The following ATP2A3 variants were observed in gnomAD, a reference collection of about 807,000 sequenced individuals.
ATP2A3 encodes the protein sarcoplasmic/endoplasmic reticulum calcium ATPase 3.
Under a neutral mutation model 106.8 loss-of-function variants are expected in ATP2A3, and 61 were observed. The ratio of observed to expected loss-of-function variants is 0.57; its 90% CI spans 0.46 to 0.71. The LOEUF (loss-of-function observed/expected upper bound fraction) is 0.71. ATP2A3 is among the 30% of genes least tolerant of loss of function. The pLI, the probability that ATP2A3 is intolerant of heterozygous loss-of-function variation, is 0.00. For missense variants in ATP2A3, 1,201 were observed against 1,423.5 expected, an observed-to-expected ratio of 0.84 and a Z score of 2.52; for synonymous variants, 611 against 609.3, an observed-to-expected ratio of 1.00 and a Z score of -0.04.
rs760611739 is a variant in ATP2A3 at position 3,940,049 on chromosome 17, TG to T, written c.2100+921del. Among the ~76,000 whole-genome samples, 40 of 99,690 alleles carry T rather than the reference TG, an allele frequency of 4.0e-4. 2 individuals are homozygous for T. The highest frequency in any genetic ancestry group is 1.2e-3 in the African/African-American group (24 of 19,848). 65.4% of individuals were successfully genotyped at this position (99,690 alleles called of 152,430 possible). On this transcript the variant is annotated intron_variant, in intron 14 of 20. Transcript: ENST00000397041. ...GTCATATCTTTTTTTTTTTGTTTTT[TG>T]TTTTTTTTTTTTTTGGAGAGATGGG...
Position 3,925,176 on chromosome 17 carries a change from A to C in ATP2A3, c.*246T>G, listed in dbSNP as rs2052634780. ...TGCAGCTCCTGGGCCAGAGCTGCAG[A>C]GCAGGGAACTTCCCAGGAGAGTCCA... On this transcript the variant is annotated 3_prime_UTR_variant, in exon 21 of 21. Coordinates refer to ENST00000397041, the MANE Select transcript of ATP2A3 (RefSeq NM_005173.4). The surrounding 1 kb of genome is among the most constrained non-coding windows in gnomAD (Gnocchi z 4.2). 9.7e-6 allele frequency: 6 copies of C among 620,112 alleles called. No individual in the cohort carries two copies. In the South Asian group the frequency reaches 1.2e-4, roughly 12 times the overall value. 38.4% of individuals were successfully genotyped at this position (620,112 alleles called of 1,614,324 possible). A position where few individuals can be genotyped will look rare whatever the true frequency, so the allele number is the denominator to read the frequency against.
Position 3,930,402 on chromosome 17 carries a change from C to A in ATP2A3, c.2643G>T (p.Pro881=). 6.2e-7 allele frequency: 1 copy of A among 1,613,956 alleles called. No individual in the cohort carries two copies. The highest frequency in any genetic ancestry group is 8.5e-7 in the Non-Finnish European group (1 of 1,179,986). The stretch of plus-strand genomic sequence containing the variant: ...CCTCACAGTCGATGCCGGCAAAGAG[C>A]GGGTTGTCTTCGGAGCACTTCAGGA... ...RNFLKCSEDN[P]LFAGIDCEVF... is the part of the protein sequence containing the mutation. Residue 881 remains proline (P), a synonymous_variant, in exon 18 of 21, where the codon CCG becomes CCT. Coordinates refer to ENST00000397041, the MANE Select transcript of ATP2A3 (RefSeq NM_005173.4). This position sits in a 1 kb window ranked among gnomAD's most constrained non-coding sequence, Gnocchi z 5.4.
At position 3,953,324 on chromosome 17, in the gene ATP2A3, A is replaced by G; in HGVS notation, c.219+23T>C. The G allele has an allele frequency of 1.9e-6, 3 of 1,612,530 alleles. No individual in the cohort carries two copies. The highest frequency in any genetic ancestry group is 2.5e-6 in the Non-Finnish European group (3 of 1,178,834). The stretch of plus-strand genomic sequence containing the variant: ...CTCCAGGGCTACCGACTACCACAGG[A>G]TGGCTGGCAGGGCCCTACTTACAAA... On this transcript the variant is annotated intron_variant, in intron 3 of 20. Coordinates refer to ENST00000397041, the MANE Select transcript of ATP2A3 (RefSeq NM_005173.4). The surrounding 1 kb of genome is among the most constrained non-coding windows in gnomAD (Gnocchi z 5.1).
At position 3,928,421 on chromosome 17, in the gene ATP2A3, G is replaced by T; in HGVS notation, c.2980+242C>A. 1 of 1,265,994 alleles carries T rather than the reference G, an allele frequency of 7.9e-7. No homozygotes were observed. Among genetic ancestry groups the T allele is most frequent in the Non-Finnish European group, 1.1e-6 (1 of 889,290 alleles). The allele number at this position is 1,265,994 out of a possible 1,614,324, so 78.4% of individuals were successfully genotyped here. On this transcript the variant is annotated intron_variant, in intron 20 of 20. Coordinates refer to ENST00000397041, the MANE Select transcript of ATP2A3 (RefSeq NM_005173.4). The surrounding 1 kb of genome is among the most constrained non-coding windows in gnomAD (Gnocchi z 6.1). ...CAGGTGAAGACAGTGAGGCAGTGTG[G>T]CCCAAGAGGTGCTCCCGTTGCTGGC...
rs553830741 is a variant in ATP2A3, at chr17:3,937,333, G to A, written c.2321+83C>T. ...GCACAGGCCCCTCCATCCCTGCAGCGCATCCGAGGAACAGGCGTTTTCCCC... is the reference window on the plus strand; with the variant it reads ...GCACAGGCCCCTCCATCCCTGCAGCACATCCGAGGAACAGGCGTTTTCCCC... On this transcript the variant is annotated intron_variant, in intron 15 of 20. Transcript: ENST00000397041. The A allele has an allele frequency of 4.5e-4, 653 of 1,454,330 alleles. 8 individuals are homozygous for A. The South Asian group carries it at 7.4e-3, about 17-fold the overall frequency. 90.1% of individuals were successfully genotyped at this position (1,454,330 alleles called of 1,614,324 possible).
Position 3,925,636 on chromosome 17 carries a change from G to A in ATP2A3, c.2981-195C>T, listed in dbSNP as rs561513592. Among the ~76,000 whole-genome samples, 9 of 131,854 alleles carry A rather than the reference G, an allele frequency of 6.8e-5. No homozygotes were observed. Among genetic ancestry groups the A allele is most frequent in the Admixed American group, 2.4e-4 (3 of 12,620 alleles). The allele number at this position is 131,854 out of a possible 152,430, so 86.5% of individuals were successfully genotyped here. On this transcript the variant is annotated intron_variant, in intron 20 of 20. Coordinates refer to ENST00000397041, the MANE Select transcript of ATP2A3 (RefSeq NM_005173.4). The surrounding 1 kb of genome is among the most constrained non-coding windows in gnomAD (Gnocchi z 4.2). Reference sequence around the variant, plus strand: ...TGCATCCAGGATCCATCCCCGCAACGTCCCCCACGCCTCCTTCACTCCACT... The same window carrying A: ...TGCATCCAGGATCCATCCCCGCAACATCCCCCACGCCTCCTTCACTCCACT...
At chr17:3,951,784 G>A (rs2054462058) in intron 3 of ATP2A3, 99 bp from the exon 4 acceptor site, 1 of 1,219,964 alleles carries the variant, frequency 8.2e-7, no homozygotes, top group South Asian at 1.3e-5. Context: ...TCCCTGCTTT[G>A]GGGAGATAGC....
rs2144144287 is a variant in ATP2A3 at position 3,924,517 on chromosome 17, C to G, written c.*905G>C. On this transcript the variant is annotated 3_prime_UTR_variant, in exon 21 of 21. Transcript: ENST00000397041. This position sits in a 1 kb window ranked among gnomAD's most constrained non-coding sequence, Gnocchi z 6.4. ...GTGCAGACAGCGCGGCGGCCGCACA[C>G]TGGGCTGGGTAGAAGGGCGCCACGG... 1 of 323,174 alleles carries G rather than the reference C, an allele frequency of 3.1e-6. No homozygotes were observed. Among genetic ancestry groups the G allele is most frequent in the Non-Finnish European group, 6.2e-6 (1 of 162,184 alleles). 20.0% of individuals were successfully genotyped at this position (323,174 alleles called of 1,614,324 possible). A position where few individuals can be genotyped will look rare whatever the true frequency, so the allele number is the denominator to read the frequency against.
Position 3,941,022 on chromosome 17 carries a change from G to C in ATP2A3, c.2049C>G (p.His683Gln). Residue 683 changes from histidine to glutamine, a missense_variant, in exon 14 of 21, where the codon CAC becomes CAG. Transcript: ENST00000397041. ...GCAGGTTCTCCACGATGCGGGACTT[G>C]TGTGCGGGCTCCACGCGGGCGAAGC... ...ARCFARVEPA[H>Q]KSRIVENLQS... 6.2e-7 allele frequency: 1 copy of C among 1,613,984 alleles called. No individual in the cohort carries two copies. Among genetic ancestry groups the C allele is most frequent in the Non-Finnish European group, 8.5e-7 (1 of 1,179,852 alleles).
At chr17:3,944,334 G>A (rs1338739041) in intron 10 of ATP2A3, among the ~76,000 whole-genome samples, 1 of 152,120 alleles carries the variant, frequency 6.6e-6, no homozygotes, top group Non-Finnish European at 1.5e-5. Flanking sequence ...CCATTCCACT[G>A]CCCCGGCCAC....
rs777388838 is a variant in ATP2A3 at position 3,937,442 on chromosome 17, G to A, written c.2295C>T (p.Ile765=). The change falls in exon 15 of 21, where the codon ATC becomes ATT. Residue 765 remains isoleucine (I), a synonymous_variant. Coordinates refer to ENST00000397041, the MANE Select transcript of ATP2A3 (RefSeq NM_005173.4). ...SNMKQFIRYL[I]SSNVGEVVCI... is the part of the protein sequence containing the mutation. The stretch of plus-strand genomic sequence containing the variant: ...AGACGACCTCGCCAACATTGGAGGA[G>A]ATGAGGTAGCGGATGAATTGCTTCA... 1 of 1,612,904 alleles carries A rather than the reference G, an allele frequency of 6.2e-7. No individual in the cohort carries two copies. The highest frequency in any genetic ancestry group is 2.2e-5 in the East Asian group (1 of 44,878).
In ATP2A3 at chr17:3,950,485, G is replaced by A. The variant is rs770257702; in HGVS notation, c.630+26C>T. 8 of 1,605,472 alleles carry A rather than the reference G, an allele frequency of 5.0e-6. No homozygotes were observed. The South Asian group carries it at 8.8e-5, about 18-fold the overall frequency. ...TGTTGTTATTTTTATCATTGTCTGG[G>A]CAAAGGCCCCAGACATTTGACTTAC... On this transcript the variant is annotated intron_variant, in intron 7 of 20. Transcript: ENST00000397041.
In ATP2A3 at chr17:3,937,551, G is replaced by C; in HGVS notation, c.2186C>G (p.Ser729Trp). The change falls in exon 15 of 21, where the codon TCG becomes TGG. Residue 729 changes from serine (S) to tryptophan (W), a missense_variant. Physicochemically the swap from Ser to Trp is radical, Grantham distance 177 (BLOSUM62 -3). Coordinates refer to ENST00000397041, the MANE Select transcript of ATP2A3 (RefSeq NM_005173.4). ...AMGSGTAVAK[S>W]AAEMVLSDDN... is the part of the protein sequence containing the mutation. ...ATCTGACAGCACCATCTCTGCCGCCGACTTGGCCACGGCCGTGCCTGAGCC... is the reference window on the plus strand; with the variant it reads ...ATCTGACAGCACCATCTCTGCCGCCCACTTGGCCACGGCCGTGCCTGAGCC... The C allele has an allele frequency of 6.2e-7, 1 of 1,614,104 alleles. No individual in the cohort carries two copies. The highest frequency in any genetic ancestry group is 1.7e-4 in the Middle Eastern group (1 of 6,052).
intron 5 of ATP2A3, 76 bp downstream of exon 5, chr17:3,951,175 A>T (rs1304313033): frequency 7.3e-5 from 84 of 1,153,250 alleles, no homozygotes; most frequent in Middle Eastern, 3.5e-4. Flanking sequence ...TCCATCTCAA[A>T]AAATAAATAA....
intron 7 of ATP2A3, among the ~76,000 whole-genome samples, chr17:3,949,031 G>A (rs758212364): frequency 2.0e-5 from 3 of 151,614 alleles, no homozygotes; most frequent in African/African-American, 7.3e-5. Flanking sequence ...GGGAGGCTGA[G>A]GCAGGAGAAT....
chr17:3,964,093 G>T, intron 1 of ATP2A3, 81 bp downstream of exon 1: 1 of 760,636 alleles, frequency 1.3e-6, no homozygotes, highest in Non-Finnish European at 1.7e-6. Context: ...GCCCAGAGCC[G>T]GGTGGGGAGG....
chr17:3,950,904 CT>C (rs1178032994), intron 5 of ATP2A3, 131 bp from the exon 6 acceptor site: 2 of 930,054 alleles, frequency 2.2e-6, no homozygotes, highest in Non-Finnish European at 3.3e-6. Flanking sequence ...CTGGTGACCC[CT>C]GCCCCTCTGG....
chr17:3,943,927 T>A (rs948704354), intron 10 of ATP2A3, among the ~76,000 whole-genome samples: 1 of 151,738 alleles, frequency 6.6e-6, no homozygotes, highest in Non-Finnish European at 1.5e-5. Flanking sequence ...CCTCTCCCAC[T>A]CTCTGTATTT....
At chr17:3,940,835 T>C in intron 14 of ATP2A3, 136 bp downstream of exon 14, 1 of 1,151,840 alleles carries the variant, frequency 8.7e-7, no homozygotes, top group South Asian at 1.3e-5. Flanking sequence ...AATTTCTTTT[T>C]GTATTTGAAT....
Sources: gnomAD v4.1 joint callset for allele counts (sites outside exome capture counted in the v4.1 genomes callset) on GRCh38, gnomAD v4.1.1 for gene constraint, Gnocchi (gnomAD v3.1) non-coding constraint, MANE v1.5 for transcripts, NCBI Gene and HGNC (gene_info 2026-07-23, HGNC 2026-07-21) for gene names.